Variants in MYO9A observed in about 807,000 individuals in gnomAD.
MYO9A encodes unconventional myosin-IXa.
Under a neutral mutation model 293.3 loss-of-function variants are expected in MYO9A, and 103 were observed. The ratio of observed to expected loss-of-function variants is 0.35; its 90% confidence interval spans 0.30 to 0.41. MYO9A has a LOEUF of 0.41. Among genes scored for constraint, MYO9A ranks in the 10% least tolerant of loss-of-function variants. MYO9A has a pLI of 1.00. For missense variants in MYO9A, 2,685 were observed against 3,033.0 expected (o/e 0.89, Z 2.69); for synonymous variants, 1,001 against 1,035.7 (o/e 0.97, Z 0.64).
chr15:72,023,025 C>T (rs528727791), intron 4 of MYO9A, among the ~76,000 whole-genome samples: 1 of 151,956 alleles, frequency 6.6e-6, no homozygotes, highest in East Asian at 1.9e-4. Context: ...CAATGAACTA[C>T]AGAAAGTCAC....
At position 71,826,743 on chromosome 15, in the gene MYO9A, G is replaced by T; in HGVS notation, c.7484C>A (p.Pro2495Gln). ...PQFISRGTFN[P>Q]EKGKQKLKNV... is the part of the protein sequence containing the mutation. Reference sequence around the variant, plus strand: ...CTTTAATTTTTGTTTGCCCTTTTCCGGGTTGAAGGTTCCTCTGCTGATGAA... The same window carrying T: ...CTTTAATTTTTGTTTGCCCTTTTCCTGGTTGAAGGTTCCTCTGCTGATGAA... Residue 2495 changes from proline (P) to glutamine (Q), a missense_variant, in exon 42 of 42, where the codon CCG becomes CAG. Pro to Gln is a moderately conservative substitution (Grantham distance 76, BLOSUM62 -1). Transcript: ENST00000356056. 1 of 1,614,074 alleles carries T rather than the reference G, an allele frequency of 6.2e-7. No homozygotes were observed. The highest frequency in any genetic ancestry group is 8.5e-7 in the Non-Finnish European group (1 of 1,179,996).
At chr15:71,979,098 G>T (rs1458256099) in intron 11 of MYO9A, among the ~76,000 whole-genome samples, 1 of 151,960 alleles carries the variant, frequency 6.6e-6, no homozygotes, top group Non-Finnish European at 1.5e-5. Context: ...CTGCCAATCT[G>T]CAAATAGTGA....
chr15:71,849,575 A>G (rs2055543737), intron 38 of MYO9A, among the ~76,000 whole-genome samples: 2 of 152,164 alleles, frequency 1.3e-5, no homozygotes, highest in Non-Finnish European at 2.9e-5. Flanking sequence ...AAATATTGAT[A>G]TATTTTTTAA....
chr15:72,050,647 A>C (rs558653116), intron 1 of MYO9A, among the ~76,000 whole-genome samples: 1 of 151,684 alleles, frequency 6.6e-6, no homozygotes. Context: ...AACAAACAAA[A>C]TTTTTTTTTA....
At chr15:71,929,898 T>A (rs1300287359) in intron 18 of MYO9A, among the ~76,000 whole-genome samples, 1 of 152,204 alleles carries the variant, frequency 6.6e-6, no homozygotes, top group African/African-American at 2.4e-5. Context: ...CTGAACTAAT[T>A]TTCTTGTAGT....
At chr15:71,997,714 T>G (rs1438341913) in intron 9 of MYO9A, among the ~76,000 whole-genome samples, 1 of 151,958 alleles carries the variant, frequency 6.6e-6, no homozygotes, top group Non-Finnish European at 1.5e-5. Context: ...AAAAAAAATT[T>G]GTAATGAAAA....
intron 1 of MYO9A, among the ~76,000 whole-genome samples, chr15:72,117,435 G>A (rs931363056): frequency 6.6e-6 from 1 of 152,094 alleles, no homozygotes; most frequent in African/African-American, 2.4e-5. Flanking sequence ...GGGTTGGGGG[G>A]ACCGTGACAG....
intron 7 of MYO9A, among the ~76,000 whole-genome samples, chr15:72,010,121 A>G (rs955874502): frequency 2.0e-5 from 3 of 152,244 alleles, no homozygotes; most frequent in Non-Finnish European, 2.9e-5. Context: ...CTGCATTTAT[A>G]TGCAAATTGT....
chr15:71,849,960 G>A (rs370899809), intron 38 of MYO9A, 76 bp downstream of exon 38: 17 of 1,056,488 alleles, frequency 1.6e-5, no homozygotes, highest in Non-Finnish European at 2.2e-5. Flanking sequence ...CATTCACTAT[G>A]TTTGATATCT....
At chr15:72,067,146 T>C (rs2079046337) in intron 1 of MYO9A, among the ~76,000 whole-genome samples, 1 of 148,248 alleles carries the variant, frequency 6.7e-6, no homozygotes, top group Admixed American at 6.8e-5. Flanking sequence ...ATTACATAAA[T>C]TTATATTATA....
intron 9 of MYO9A, among the ~76,000 whole-genome samples, chr15:71,995,643 A>G (rs1372191277): frequency 6.6e-6 from 1 of 151,954 alleles, no homozygotes. Context: ...AATCCTAGTA[A>G]TTTACATATT....
intron 11 of MYO9A, 151 bp from the exon 12 acceptor site, chr15:71,978,443 C>T (rs1205623176): frequency 1.5e-6 from 1 of 660,636 alleles, no homozygotes; most frequent in African/African-American, 1.9e-5. Context: ...TTCAGTTGTA[C>T]AAATCTTAAT....
Position 71,826,241 on chromosome 15 carries a change from C to T in MYO9A, c.*339G>A. 4.4e-6 allele frequency: 1 copy of T among 228,062 alleles called. No individual in the cohort carries two copies. Among genetic ancestry groups the T allele is most frequent in the Non-Finnish European group, 8.6e-6 (1 of 116,932 alleles). The allele number at this position is 228,062 out of a possible 1,614,324, so 14.1% of individuals were successfully genotyped here. ...GAAATGAGAGGGTCCCTCAGGACAG[C>T]AATATCCCCCCTAGTTCAACACCCA... On this transcript the variant is annotated 3_prime_UTR_variant, in exon 42 of 42. Transcript: ENST00000356056.
At chr15:72,057,983 G>A (rs956154447) in intron 1 of MYO9A, among the ~76,000 whole-genome samples, 1 of 152,080 alleles carries the variant, frequency 6.6e-6, no homozygotes, top group African/African-American at 2.4e-5. Context: ...GATACAGGTC[G>A]CCCTTGTTAT....
chr15:72,008,489 GGTGTGT>G (rs111259580), intron 7 of MYO9A, among the ~76,000 whole-genome samples: 101 of 139,986 alleles, frequency 7.2e-4, no homozygotes, highest in African/African-American at 2.2e-3. Context: ...GGGGTAAATG[GGTGTGT>G]GTGTGTGTGT....
Position 72,046,267 on chromosome 15 carries a change from A to G in MYO9A, c.297T>C (p.Ser99=), listed in dbSNP as rs755800954. 1 of 1,613,978 alleles carries G rather than the reference A, an allele frequency of 6.2e-7. No individual in the cohort carries two copies. The highest frequency in any genetic ancestry group is 2.2e-5 in the East Asian group (1 of 44,874). Residue 99 remains serine, a synonymous_variant, in exon 2 of 42, where the codon AGT becomes AGC. Transcript: ENST00000356056. Reference sequence around the variant, plus strand: ...TCAGAAGGAAGCGGTAGTCCTCTCCACTTAAGCGATTTTCCAGAGCCATTC... The same window carrying G: ...TCAGAAGGAAGCGGTAGTCCTCTCCGCTTAAGCGATTTTCCAGAGCCATTC... ...WPRMALENRL[S]GEDYRFLLRE... is the part of the protein sequence containing the mutation.
At chr15:72,094,986 T>C (rs1375717147) in intron 1 of MYO9A, among the ~76,000 whole-genome samples, 1 of 91,762 alleles carries the variant, frequency 1.1e-5, no homozygotes, top group Admixed American at 1.2e-4. Context: ...CCTGACTCTT[T>C]CTTCTCGTTG....
chr15:71,947,905 G>T (rs2058958358), intron 15 of MYO9A, among the ~76,000 whole-genome samples: 1 of 152,066 alleles, frequency 6.6e-6, no homozygotes, highest in Non-Finnish European at 1.5e-5. Context: ...TTCTTTCTAG[G>T]GCTCCTGTCA....
At chr15:72,090,111 T>C (rs1024245843) in intron 1 of MYO9A, among the ~76,000 whole-genome samples, 1 of 152,202 alleles carries the variant, frequency 6.6e-6, no homozygotes, top group Non-Finnish European at 1.5e-5. Flanking sequence ...TAGCAAGTCA[T>C]AAATTACTAC....
Sources: gnomAD v4.1 joint callset for allele counts (sites outside exome capture counted in the v4.1 genomes callset) on GRCh38, gnomAD v4.1.1 for gene constraint, MANE v1.5 for transcripts, NCBI Gene and HGNC (gene_info 2026-07-23, HGNC 2026-07-21) for gene names.